Variants in INPP4B observed in about 807,000 individuals in gnomAD.
INPP4B encodes the protein inositol polyphosphate-4-phosphatase type II B, also known as inositol polyphosphate 4-phosphatase type II.
In INPP4B, 55 loss-of-function variants were observed where a neutral mutation model predicts 122.5. The observed-to-expected ratio is 0.45, with a 90% CI of 0.36 to 0.56. The LOEUF is 0.56. Among genes scored for constraint, INPP4B ranks in the 20% least tolerant of loss-of-function variants. The probability of loss-of-function intolerance (pLI) is 0.00; values close to 1 mark genes in which losing one functional copy is unlikely to be tolerated. For synonymous variants in INPP4B, 403 were observed against 388.7 expected, an observed-to-expected ratio of 1.04 and a Z score of -0.43; for missense variants, 1,000 against 1,097.7, an observed-to-expected ratio of 0.91 and a Z score of 1.26.
chr4:142,720,499 T>C (rs1764384119), intron 2 of INPP4B, among the ~76,000 whole-genome samples: 1 of 151,944 alleles, frequency 6.6e-6, no homozygotes, highest in Non-Finnish European at 1.5e-5. Flanking sequence ...CGGCATAGTC[T>C]TTGCACATAA....
chr4:142,784,178 C>G (rs1775357244), intron 1 of INPP4B, among the ~76,000 whole-genome samples: 1 of 151,876 alleles, frequency 6.6e-6, no homozygotes, highest in African/African-American at 2.4e-5. Flanking sequence ...GCCTGGCCAA[C>G]ATGGTGAAAC....
intron 25 of INPP4B, chr4:142,029,227 T>C: frequency 9.7e-7 from 1 of 1,028,980 alleles, no homozygotes; most frequent in Non-Finnish European, 1.2e-6. Context: ...TGCCTTTTTA[T>C]AACATTTCCA....
intron 2 of INPP4B, among the ~76,000 whole-genome samples, chr4:142,595,915 T>G (rs1738595167): frequency 6.6e-6 from 1 of 152,146 alleles, no homozygotes; most frequent in African/African-American, 2.4e-5. Flanking sequence ...AGTGGCACCA[T>G]CTTGGCTCAC....
chr4:142,117,288 C>T (rs538849985), intron 21 of INPP4B, among the ~76,000 whole-genome samples: 14 of 151,892 alleles, frequency 9.2e-5, no homozygotes, highest in African/African-American at 2.4e-4. Flanking sequence ...AGAAAAAAAA[C>T]GAATCCTCCC....
chr4:142,614,058 G>A (rs1743155353), intron 2 of INPP4B, among the ~76,000 whole-genome samples: 1 of 152,124 alleles, frequency 6.6e-6, no homozygotes, highest in South Asian at 2.1e-4. Flanking sequence ...AACTGAAACA[G>A]CATAGTGCTG....
intron 7 of INPP4B, among the ~76,000 whole-genome samples, chr4:142,386,674 G>A (rs994840036): frequency 6.6e-6 from 1 of 152,182 alleles, no homozygotes; most frequent in Non-Finnish European, 1.5e-5. Flanking sequence ...ATATCTGTAT[G>A]CCACGTCCCT....
chr4:142,200,653 T>A (rs548273259), intron 14 of INPP4B, among the ~76,000 whole-genome samples: 1 of 152,092 alleles, frequency 6.6e-6, no homozygotes, highest in South Asian at 2.1e-4. Context: ...TAAAGCAGGT[T>A]GGGGATAAGA....
chr4:142,447,636 C>T (rs767647396), intron 3 of INPP4B, among the ~76,000 whole-genome samples: 8 of 152,142 alleles, frequency 5.3e-5, no homozygotes, highest in East Asian at 1.9e-4. Flanking sequence ...ATCACAGTCA[C>T]GGCCTGAGGA....
At chr4:142,529,136 C>T (rs988771464) in intron 2 of INPP4B, among the ~76,000 whole-genome samples, 5 of 152,092 alleles carry the variant, frequency 3.3e-5, no homozygotes, top group Admixed American at 1.3e-4. Flanking sequence ...AAATGACCAA[C>T]GGATGCTTTT....
At chr4:142,815,594 A>G (rs1453873490) in intron 1 of INPP4B, among the ~76,000 whole-genome samples, 4 of 152,152 alleles carry the variant, frequency 2.6e-5, no homozygotes, top group African/African-American at 9.6e-5. Context: ...GAAAAAATCA[A>G]ATCTGACACC....
chr4:142,303,319 A>G (rs2636675), intron 9 of INPP4B, among the ~76,000 whole-genome samples: 80,504 of 152,020 alleles, frequency 0.53, 25,899 homozygotes, highest in Non-Finnish European at 0.7. Context: ...AAAATTAACC[A>G]TGAAGAAAAG....
chr4:142,672,998 CAATG>C (rs2150640734), intron 2 of INPP4B, among the ~76,000 whole-genome samples: 1 of 152,250 alleles, frequency 6.6e-6, no homozygotes, highest in Admixed American at 6.5e-5. Context: ...TACCTTTCTG[CAATG>C]AATTGTCTTT....
chr4:142,120,720 C>T (rs1314489417), intron 21 of INPP4B, among the ~76,000 whole-genome samples: 1 of 152,038 alleles, frequency 6.6e-6, no homozygotes, highest in African/African-American at 2.4e-5. Flanking sequence ...AAATTGTGTT[C>T]ACAGGGCCAG....
At chr4:142,234,300 C>T (rs1169333223) in intron 12 of INPP4B, among the ~76,000 whole-genome samples, 3 of 152,130 alleles carry the variant, frequency 2.0e-5, no homozygotes, top group East Asian at 3.9e-4. Context: ...AAATTACAGA[C>T]ATGATTTCTT....
chr4:142,170,448 A>G (rs907655899), intron 16 of INPP4B, among the ~76,000 whole-genome samples: 4 of 151,716 alleles, frequency 2.6e-5, no homozygotes, highest in Non-Finnish European at 4.4e-5. Context: ...AAGCATCCAT[A>G]TAGCAATCTG....
At chr4:142,323,667 A>T (rs188444492) in intron 7 of INPP4B, among the ~76,000 whole-genome samples, 13 of 151,494 alleles carry the variant, frequency 8.6e-5, no homozygotes, top group Admixed American at 8.6e-4. Context: ...GGATGGTCTC[A>T]ATCTCCTGAC....
intron 12 of INPP4B, among the ~76,000 whole-genome samples, chr4:142,209,521 G>A (rs1038469247): frequency 3.3e-5 from 5 of 151,944 alleles, no homozygotes; most frequent in Admixed American, 6.6e-5. Flanking sequence ...GGCCGGGCAC[G>A]GTGGCTCACG....
At chr4:142,294,829 C>CAAAAAAAAAAAAAAAAAAA (rs57430432) in intron 9 of INPP4B, among the ~76,000 whole-genome samples, 353 of 28,482 alleles carry the variant, frequency 0.012, 122 homozygotes, top group East Asian at 0.02. Context: ...GACTCCGTCT[C>CAAAAAAAAAAAAAAAAAAA]AAAAAAAAAA....
intron 2 of INPP4B, among the ~76,000 whole-genome samples, chr4:142,626,737 C>A (rs924356838): frequency 6.6e-6 from 1 of 151,708 alleles, no homozygotes; most frequent in East Asian, 1.9e-4. Context: ...TAAAAGAAAC[C>A]AACATATTCA....
Sources: gnomAD v4.1 joint callset for allele counts (sites outside exome capture counted in the v4.1 genomes callset) on GRCh38, gnomAD v4.1.1 for gene constraint, MANE v1.5 for transcripts, NCBI Gene and HGNC (gene_info 2026-07-23, HGNC 2026-07-21) for gene names.